Variants in MMS19 observed in about 807,000 individuals in gnomAD.
MMS19 encodes the protein MMS19 cytosolic iron-sulfur assembly component.
In MMS19, 77 loss-of-function variants were observed where a neutral mutation model predicts 129.8. That is an observed-to-expected ratio of 0.59 (90% CI 0.49 to 0.72). The LOEUF (loss-of-function observed/expected upper bound fraction) is 0.72. MMS19 is among the 30% of genes least tolerant of loss of function. MMS19 has a pLI of 0.00. For missense variants in MMS19, 1,168 were observed against 1,266.3 expected, an observed-to-expected ratio of 0.92 and a Z score of 1.18; for synonymous variants, 491 against 502.8, an observed-to-expected ratio of 0.98 and a Z score of 0.31.
chr10:97,464,871 G>A (rs537623511), intron 18 of MMS19, among the ~76,000 whole-genome samples: 2 of 151,880 alleles, frequency 1.3e-5, no homozygotes, highest in South Asian at 4.2e-4. Flanking sequence ...GCTAATTTTT[G>A]TATTTTTTGT....
intron 8 of MMS19, among the ~76,000 whole-genome samples, chr10:97,475,327 A>G (rs1479149261): frequency 6.6e-6 from 1 of 152,128 alleles, no homozygotes; most frequent in Non-Finnish European, 1.5e-5. Flanking sequence ...TACAAACATA[A>G]CTGATAACTT....
chr10:97,462,584 C>G lies in MMS19; in HGVS notation c.2011G>C (p.Glu671Gln). The change falls in exon 20 of 31, where the codon GAG (glutamate) becomes CAG (glutamine). Residue 671 changes from glutamate (E) to glutamine (Q), a missense_variant and splice_region_variant. This residue lies in a region of MMS19 where 831 missense variants were observed against 910.8 expected (regional missense o/e 0.91). Transcript: ENST00000438925. ...IGTATTHLSP[E>Q]LAAQSVTHIV... Reference sequence around the variant, plus strand: ...AGCCACATCCATGATTATACTTACTCAGGGCTCAGGTGGGTTGTAGCAGTG... The same window carrying G: ...AGCCACATCCATGATTATACTTACTGAGGGCTCAGGTGGGTTGTAGCAGTG... 6.2e-7 allele frequency: 1 copy of G among 1,612,188 alleles called. No individual in the cohort carries two copies.
At chr10:97,494,471 C>T (rs1276809148) in intron 1 of MMS19, among the ~76,000 whole-genome samples, 1 of 152,198 alleles carries the variant, frequency 6.6e-6, no homozygotes, top group Non-Finnish European at 1.5e-5. Flanking sequence ...CCAATCAGGA[C>T]TAAGTTCCAA....
chr10:97,478,893 G>A (rs2036242115), intron 3 of MMS19, among the ~76,000 whole-genome samples: 1 of 152,038 alleles, frequency 6.6e-6, no homozygotes, highest in South Asian at 2.1e-4. Context: ...TTATATAGAT[G>A]ATATTATACT....
intron 3 of MMS19, 68 bp from the exon 4 acceptor site, chr10:97,478,457 C>T: frequency 1.7e-6 from 2 of 1,161,724 alleles, no homozygotes; most frequent in Non-Finnish European, 1.3e-6. Context: ...TTGTTCCTTC[C>T]CTAAGTCTAT....
intron 8 of MMS19, among the ~76,000 whole-genome samples, 157 bp downstream of exon 8, chr10:97,476,526 T>C (rs1213845744): frequency 1.3e-5 from 2 of 152,214 alleles, no homozygotes; most frequent in Admixed American, 1.3e-4. Flanking sequence ...ATTCCTCATA[T>C]GTCAAATGCT....
chr10:97,481,319 A>G (rs1383095837), intron 2 of MMS19, among the ~76,000 whole-genome samples: 1 of 152,072 alleles, frequency 6.6e-6, no homozygotes, highest in African/African-American at 2.4e-5. Flanking sequence ...CAGGTACCCC[A>G]GTTTGGCACC....
At chr10:97,468,908 C>G (rs1161965302) in intron 12 of MMS19, 58 bp downstream of exon 12, 11 of 1,535,236 alleles carry the variant, frequency 7.2e-6, no homozygotes, top group Non-Finnish European at 7.0e-6. Flanking sequence ...CGCACCCAGG[C>G]AAGGAATGTC....
rs2031935193 is a variant in MMS19, at chr10:97,461,568, A to G, written c.2239T>C (p.Cys747Arg). The G allele has an allele frequency of 1.1e-5, 17 of 1,602,574 alleles. No homozygotes were observed. Among genetic ancestry groups the G allele is most frequent in the Non-Finnish European group, 1.4e-5 (17 of 1,174,528 alleles). ...GTGGAAGAAAAGGGGCAGCTGTGGCAGCAGCTCAGTTCCAAAAGCTCCCGC... is the reference window on the plus strand; with the variant it reads ...GTGGAAGAAAAGGGGCAGCTGTGGCGGCAGCTCAGTTCCAAAAGCTCCCGC... ...LMRELLELSC[C>R]HSCPFSSTAA... is the part of the protein sequence containing the mutation. Residue 747 changes from cysteine to arginine, a missense_variant, in exon 23 of 31, where the codon TGC becomes CGC. This residue lies in a region of MMS19 where 831 missense variants were observed against 910.8 expected (regional missense o/e 0.91). Coordinates refer to ENST00000438925, the MANE Select transcript of MMS19 (RefSeq NM_022362.5).
At chr10:97,459,940 C>T in intron 26 of MMS19, 106 bp downstream of exon 26, 1 of 1,260,808 alleles carries the variant, frequency 7.9e-7, no homozygotes. Flanking sequence ...AGGCACAGAC[C>T]ACAATATAGC....
At chr10:97,494,157 A>G (rs2039415813) in intron 1 of MMS19, among the ~76,000 whole-genome samples, 1 of 152,230 alleles carries the variant, frequency 6.6e-6, no homozygotes, top group Non-Finnish European at 1.5e-5. Flanking sequence ...CAAGGAAAAA[A>G]TCAGTGTAAG....
chr10:97,459,099 G>T, intron 29 of MMS19, 124 bp downstream of exon 29: 1 of 1,049,738 alleles, frequency 9.5e-7, no homozygotes, highest in Non-Finnish European at 1.4e-6. Flanking sequence ...TACAAGATCT[G>T]TACCTTGTAA....
At chr10:97,461,093 C>A in intron 23 of MMS19, 86 bp from the exon 24 acceptor site, 2 of 1,086,790 alleles carry the variant, frequency 1.8e-6, no homozygotes, top group Non-Finnish European at 2.6e-6. Context: ...GTGCAGAGCT[C>A]CCTGAGAAGC....
chr10:97,476,044 T>C (rs143593878), intron 8 of MMS19, among the ~76,000 whole-genome samples: 51 of 152,332 alleles, frequency 3.3e-4, no homozygotes, highest in African/African-American at 1.2e-3. Flanking sequence ...ATGCCTTTTA[T>C]TTCTTTCAAA....
intron 6 of MMS19, 156 bp downstream of exon 6, chr10:97,477,191 C>T (rs2035922349): frequency 6.7e-7 from 1 of 1,486,748 alleles, no homozygotes. Context: ...CCTTTCTTTA[C>T]TTCACTGGGA....
rs1175188981 is a variant in MMS19, at chr10:97,470,871, G to C, written c.685-10C>G. The C allele has an allele frequency of 6.2e-7, 1 of 1,613,092 alleles. No homozygotes were observed. The highest frequency in any genetic ancestry group is 2.2e-5 in the East Asian group (1 of 44,862). ...GGGGATCATTAGGTGGCTGGAAAAG[G>C]GAGAAGGGCTGTGGGTTTGTGTAAC... On this transcript the variant is annotated splice_polypyrimidine_tract_variant and intron_variant, in intron 8 of 30. Coordinates refer to ENST00000438925, the MANE Select transcript of MMS19 (RefSeq NM_022362.5).
intron 2 of MMS19, among the ~76,000 whole-genome samples, chr10:97,482,706 CTGTGTGTGTGTG>C (rs369393413): frequency 7.6e-6 from 1 of 131,892 alleles, no homozygotes; most frequent in Non-Finnish European, 1.6e-5. Context: ...ATCAATAAGG[CTGTGTGTGTGTG>C]TGTGTGTGTG....
At position 97,477,362 on chromosome 10, in the gene MMS19, G is replaced by A. The variant is rs779462861; in HGVS notation, c.478C>T (p.Arg160Ter). The A allele has an allele frequency of 3.1e-6, 5 of 1,613,890 alleles. No individual in the cohort carries two copies. Among genetic ancestry groups the A allele is most frequent in the South Asian group, 2.2e-5 (2 of 91,076 alleles). ...TGTCTCTTACCTTCTTCCCGGGTTC[G>A]CATAAAATTGGTGATGATATTGTAG... Reference protein sequence around the residue: ...TVYNIITNFMRTREEELKSLG... With the variant: ...TVYNIITNFM Residue 160 changes from arginine (R) to a stop codon, truncating the protein, a stop_gained, in exon 6 of 31, where the codon CGA becomes TGA. Transcript: ENST00000438925. LOFTEE classifies it high-confidence loss of function.
Position 97,476,736 on chromosome 10 carries a change from C to G in MMS19, c.631G>C (p.Val211Leu). 4 of 1,613,880 alleles carry G rather than the reference C, an allele frequency of 2.5e-6. No homozygotes were observed. Among genetic ancestry groups the G allele is most frequent in the Non-Finnish European group, 3.4e-6 (4 of 1,179,860 alleles). Residue 211 changes from valine to leucine, a missense_variant, in exon 8 of 31, where the codon GTG becomes CTG. By Grantham distance (32) the Val-to-Leu change is conservative (BLOSUM62 1). Coordinates refer to ENST00000438925, the MANE Select transcript of MMS19 (RefSeq NM_022362.5). ...ISRDYSLGPF[V>L]EELFEVTSCY... Reference sequence around the variant, plus strand: ...GATGTCACTTCAAACAACTCCTCCACAAAGGGTCCTGTGGCAACAGAGAAA... The same window carrying G: ...GATGTCACTTCAAACAACTCCTCCAGAAAGGGTCCTGTGGCAACAGAGAAA...
Sources: gnomAD v4.1 joint callset for allele counts (sites outside exome capture counted in the v4.1 genomes callset) on GRCh38, gnomAD v4.1.1 for gene constraint, gnomAD v4.1.1 regional missense constraint, MANE v1.5 for transcripts, NCBI Gene and HGNC (gene_info 2026-07-23, HGNC 2026-07-21) for gene names.